Variants in MMUT observed in about 807,000 individuals in gnomAD.
MMUT encodes the protein methylmalonyl-CoA mutase, mitochondrial.
A neutral mutation model predicts 79.9 loss-of-function variants in MMUT; 79 were observed. That is an observed-to-expected ratio of 0.99 (90% CI 0.82 to 1.19). The LOEUF is 1.19. MMUT is among the 50% of genes most tolerant of loss of function. The pLI, the probability that MMUT is intolerant of heterozygous loss-of-function variation, is 0.00. For missense variants in MMUT, 860 were observed against 917.2 expected, an observed-to-expected ratio of 0.94 and a Z score of 0.81; for synonymous variants, 273 against 295.7, an observed-to-expected ratio of 0.92 and a Z score of 0.79.
In MMUT at chr6:49,431,835, C is replaced by G. The variant is rs763572961; in HGVS notation, c.2146G>C (p.Val716Leu). 2 of 1,613,744 alleles carry G rather than the reference C, an allele frequency of 1.2e-6. No individual in the cohort carries two copies. Among genetic ancestry groups the G allele is most frequent in the Non-Finnish European group, 1.7e-6 (2 of 1,179,688 alleles). ...GGACCAAATACATTGGAAACACCAACTTCAAACAGAAATTCATAATCCTGT... is the reference window on the plus strand; with the variant it reads ...GGACCAAATACATTGGAAACACCAAGTTCAAACAGAAATTCATAATCCTGT... ...PPQDYEFLFE[V>L]GVSNVFGPGT... is the part of the protein sequence containing the mutation. The change falls in exon 13 of 13, where the codon GTT (valine) becomes CTT (leucine). Residue 716 changes from valine (V) to leucine (L), a missense_variant. Val to Leu is a conservative substitution (Grantham distance 32, BLOSUM62 1). Coordinates refer to ENST00000274813, the MANE Select transcript of MMUT (RefSeq NM_000255.4).
intron 10 of MMUT, among the ~76,000 whole-genome samples, chr6:49,441,344 A>G (rs989557915): frequency 6.6e-6 from 1 of 152,074 alleles, no homozygotes; most frequent in Non-Finnish European, 1.5e-5. Flanking sequence ...AAGATTTTAT[A>G]ATTATTCAAG....
intron 7 of MMUT, among the ~76,000 whole-genome samples, chr6:49,448,338 T>A (rs139780959): frequency 1.3e-5 from 2 of 152,104 alleles, no homozygotes; most frequent in African/African-American, 4.8e-5. Context: ...GCACTTATCA[T>A]GATCTATAAT....
chr6:49,446,409 G>C (rs1219702532), intron 8 of MMUT, among the ~76,000 whole-genome samples: 2 of 151,746 alleles, frequency 1.3e-5, no homozygotes, highest in African/African-American at 4.8e-5. Flanking sequence ...ACTTTGATTT[G>C]GTCATGGTCC....
At chr6:49,462,421 T>C (rs150896019) in intron 1 of MMUT, among the ~76,000 whole-genome samples, 2 of 152,176 alleles carry the variant, frequency 1.3e-5, no homozygotes, top group Non-Finnish European at 2.9e-5. Flanking sequence ...GCATGAAAAT[T>C]ATATTTGATA....
At chr6:49,447,161 C>A (rs1353294435) in intron 8 of MMUT, among the ~76,000 whole-genome samples, 1 of 151,792 alleles carries the variant, frequency 6.6e-6, no homozygotes, top group Non-Finnish European at 1.5e-5. Flanking sequence ...GTAAACTGTA[C>A]CTTACTAAAG....
intron 11 of MMUT, 28 bp from the exon 12 acceptor site, chr6:49,435,651 C>G (rs375517580): frequency 1.9e-4 from 298 of 1,602,910 alleles, no homozygotes; most frequent in Non-Finnish European, 2.3e-4. Flanking sequence ...AAAGATAAAT[C>G]ATTGTTTATT....
chr6:49,461,997 C>T (rs1232677844), intron 1 of MMUT, among the ~76,000 whole-genome samples: 1 of 152,188 alleles, frequency 6.6e-6, no homozygotes, highest in African/African-American at 2.4e-5. Context: ...AAATATCACA[C>T]TCATTTCACG....
intron 1 of MMUT, among the ~76,000 whole-genome samples, chr6:49,461,760 C>A (rs1343923738): frequency 6.6e-6 from 1 of 152,144 alleles, no homozygotes; most frequent in Non-Finnish European, 1.5e-5. Context: ...CAGAGAGAGA[C>A]CCCGTCTCAA....
At chr6:49,444,485 T>C (rs532779330) in intron 9 of MMUT, among the ~76,000 whole-genome samples, 154 bp downstream of exon 9, 1 of 152,268 alleles carries the variant, frequency 6.6e-6, no homozygotes, top group South Asian at 2.1e-4. Context: ...ATACAGAAAT[T>C]TTAAAATGAT....
Sources: gnomAD v4.1 joint callset for allele counts (sites outside exome capture counted in the v4.1 genomes callset) on GRCh38, gnomAD v4.1.1 for gene constraint, MANE v1.5 for transcripts, NCBI Gene and HGNC (gene_info 2026-07-23, HGNC 2026-07-21) for gene names.